SV2C: variants seen among roughly 807,000 people sequenced by gnomAD.
The protein encoded by SV2C is synaptic vesicle glycoprotein 2C, also known as solute carrier family 22 member B3.
In SV2C, 49 loss-of-function variants were observed where a neutral mutation model predicts 79.7. That is an observed-to-expected ratio of 0.61 (90% CI 0.49 to 0.78). The LOEUF (loss-of-function observed/expected upper bound fraction) is 0.78. Among genes scored for constraint, SV2C ranks in the 30% least tolerant of loss-of-function variants. The probability of loss-of-function intolerance (pLI) is 0.00; values close to 1 mark genes in which losing one functional copy is unlikely to be tolerated. For missense variants in SV2C, 833 were observed against 912.9 expected, an observed-to-expected ratio of 0.91 and a Z score of 1.13; for synonymous variants, 334 against 333.2, an observed-to-expected ratio of 1.00 and a Z score of -0.03.
At chr5:76,285,056 T>C (rs1237554816) in intron 4 of SV2C, 106 bp from the exon 5 acceptor site, 3 of 1,495,902 alleles carry the variant, frequency 2.0e-6, no homozygotes, top group Admixed American at 3.8e-5. Context: ...GCTCTGTGGA[T>C]AGTAAGACTT....
the SV2C span, among the ~76,000 whole-genome samples, chr5:76,046,037 T>C: frequency 6.6e-6 from 1 of 152,202 alleles, no homozygotes; most frequent in Non-Finnish European, 1.5e-5. Context: ...GAGCTTACTA[T>C]AGTGGGAAGA....
the SV2C span, among the ~76,000 whole-genome samples, chr5:75,901,480 T>C: frequency 2.0e-5 from 3 of 152,100 alleles, no homozygotes; most frequent in Non-Finnish European, 4.4e-5. Flanking sequence ...CCGTGTGAGG[T>C]GTCAGTCTGC....
chr5:76,241,887 T>C (rs190616700), intron 4 of SV2C: 96 of 618,018 alleles, frequency 1.6e-4, no homozygotes, highest in African/African-American at 1.5e-3. Context: ...TGAAGTGTTC[T>C]ATGTGCTAAC....
chr5:75,973,369 C>T, the SV2C span, among the ~76,000 whole-genome samples: 1 of 151,684 alleles, frequency 6.6e-6, no homozygotes, highest in Admixed American at 6.6e-5. Context: ...GTAGCATGTT[C>T]CTGTAGTCCT....
Position 76,295,798 on chromosome 5 carries a change from G to A in SV2C, c.1358G>A (p.Trp453Ter), listed in dbSNP as rs755581046. 1 of 1,610,714 alleles carries A rather than the reference G, an allele frequency of 6.2e-7. No individual in the cohort carries two copies. The highest frequency in any genetic ancestry group is 1.1e-5 in the South Asian group (1 of 90,508). Residue 453 changes from tryptophan to a stop codon, truncating the protein, a stop_gained, in exon 9 of 13, where the codon TGG becomes TAG. Transcript: ENST00000502798. LOFTEE classifies it high-confidence loss of function. The part of the protein sequence containing the change: ...LSFGYYGLSV[W>*]FPDVIKPLQS... Reference sequence around the variant, plus strand: ...TGCAGGTACTATGGATTATCCGTTTGGTTCCCTGATGTCATTAAACCTCTG... The same window carrying A: ...TGCAGGTACTATGGATTATCCGTTTAGTTCCCTGATGTCATTAAACCTCTG...
chr5:75,996,254 T>C, the SV2C span, among the ~76,000 whole-genome samples: 1 of 152,186 alleles, frequency 6.6e-6, no homozygotes, highest in African/African-American at 2.4e-5. Context: ...CCTTTCCCCA[T>C]TGCTTGTTTT....
the SV2C span, among the ~76,000 whole-genome samples, chr5:76,014,452 T>C: frequency 6.6e-6 from 1 of 152,166 alleles, no homozygotes; most frequent in Non-Finnish European, 1.5e-5. Flanking sequence ...GAGTTCAGAC[T>C]ACTGAAAGAA....
At chr5:76,106,832 A>G (rs1467253319) in intron 1 of SV2C, among the ~76,000 whole-genome samples, 2 of 151,920 alleles carry the variant, frequency 1.3e-5, no homozygotes, top group Non-Finnish European at 2.9e-5. Flanking sequence ...AGCATATATC[A>G]TCTTCGAATA....
At chr5:76,134,715 T>A (rs1298865655) in intron 2 of SV2C, among the ~76,000 whole-genome samples, 1 of 152,194 alleles carries the variant, frequency 6.6e-6, no homozygotes. Context: ...GTATATAGTC[T>A]GTGTGTATAT....
At chr5:75,911,802 AG>A in the SV2C span, 1 of 580,950 alleles carries the variant, frequency 1.7e-6, no homozygotes, top group Non-Finnish European at 3.4e-6. Flanking sequence ...CCACAGTACC[AG>A]ACAAGAGCAA....
At chr5:75,925,333 G>A in the SV2C span, among the ~76,000 whole-genome samples, 1 of 152,170 alleles carries the variant, frequency 6.6e-6, no homozygotes, top group African/African-American at 2.4e-5. Flanking sequence ...GGGTCTTAAG[G>A]TAGTTGCCTT....
intron 3 of SV2C, among the ~76,000 whole-genome samples, chr5:76,197,172 A>G (rs889741372): frequency 6.6e-6 from 1 of 152,214 alleles, no homozygotes; most frequent in African/African-American, 2.4e-5. Flanking sequence ...TTGGAGTGTG[A>G]AGATCAAATG....
At chr5:75,947,709 A>G in the SV2C span, among the ~76,000 whole-genome samples, 1 of 151,976 alleles carries the variant, frequency 6.6e-6, no homozygotes, top group Non-Finnish European at 1.5e-5. Flanking sequence ...TTTTTTTCCT[A>G]GTGACAAAAA....
chr5:76,129,861 A>T (rs947127234), intron 1 of SV2C, among the ~76,000 whole-genome samples: 4 of 152,186 alleles, frequency 2.6e-5, no homozygotes, highest in Non-Finnish European at 4.4e-5. Flanking sequence ...CTGATTATGT[A>T]CAGGAAGCAG....
At chr5:76,136,258 T>C (rs988519255) in intron 2 of SV2C, among the ~76,000 whole-genome samples, 1 of 152,220 alleles carries the variant, frequency 6.6e-6, no homozygotes, top group Non-Finnish European at 1.5e-5. Context: ...CCCGTATGCA[T>C]TGGTAGTTTT....
At chr5:76,126,524 C>T (rs977649680) in intron 1 of SV2C, among the ~76,000 whole-genome samples, 17 of 152,116 alleles carry the variant, frequency 1.1e-4, no homozygotes, top group African/African-American at 3.9e-4. Context: ...GCCCAGCATG[C>T]CTGACTTGGG....
At chr5:75,932,232 T>C in the SV2C span, among the ~76,000 whole-genome samples, 1 of 152,210 alleles carries the variant, frequency 6.6e-6, no homozygotes, top group East Asian at 1.9e-4. Context: ...TCCACTCATC[T>C]TGGGAGTATA....
At chr5:76,294,304 CT>C (rs70979391) in intron 8 of SV2C, among the ~76,000 whole-genome samples, 4,458 of 129,394 alleles carry the variant, frequency 0.034, 90 homozygotes, top group Middle Eastern at 0.084. Context: ...TTCTCTCTCT[CT>C]TTTTTTTTTT....
At chr5:76,126,400 G>A (rs1236969645) in intron 1 of SV2C, among the ~76,000 whole-genome samples, 2 of 152,140 alleles carry the variant, frequency 1.3e-5, no homozygotes, top group Admixed American at 1.3e-4. Context: ...ATTTGGACAG[G>A]CTGGGATGAT....
Sources: gnomAD v4.1 joint callset for allele counts (sites outside exome capture counted in the v4.1 genomes callset) on GRCh38, gnomAD v4.1.1 for gene constraint, MANE v1.5 for transcripts, NCBI Gene and HGNC (gene_info 2026-07-23, HGNC 2026-07-21) for gene names.